NLGN1: variants seen among roughly 807,000 people sequenced by gnomAD.
NLGN1 encodes the protein neuroligin 1, also known as neuroligin-1.
A neutral mutation model predicts 65.5 loss-of-function variants in NLGN1; 12 were observed. The ratio of observed to expected loss-of-function variants is 0.18; its 90% CI spans 0.12 to 0.30. The LOEUF is 0.30. Among genes scored for constraint, NLGN1 ranks in the 10% least tolerant of loss-of-function variants. The probability of loss-of-function intolerance (pLI) is 1.00; values close to 1 mark genes in which losing one functional copy is unlikely to be tolerated. For synonymous variants in NLGN1, 350 were observed against 359.5 expected (o/e 0.97, Z 0.30); for missense variants, 750 against 1,007.1 (o/e 0.74, Z 3.46).
At chr3:173,553,364 CTT>C (rs1186246694) in intron 2 of NLGN1, among the ~76,000 whole-genome samples, 1 of 152,174 alleles carries the variant, frequency 6.6e-6, no homozygotes, top group Non-Finnish European at 1.5e-5. Flanking sequence ...GGCAATTACT[CTT>C]TATAGACCCA....
At chr3:173,754,043 T>C (rs1488532329) in intron 3 of NLGN1, among the ~76,000 whole-genome samples, 1 of 147,320 alleles carries the variant, frequency 6.8e-6, no homozygotes, top group Non-Finnish European at 1.5e-5. Context: ...TTTTTGTTTT[T>C]TTTTTTGTTG....
intron 4 of NLGN1, among the ~76,000 whole-genome samples, chr3:173,974,641 C>T (rs1239140647): frequency 6.6e-6 from 1 of 152,036 alleles, no homozygotes; most frequent in East Asian, 1.9e-4. Context: ...GAAGTGATTA[C>T]TTTTGGGGGG....
chr3:173,939,154 G>A (rs757623594), intron 4 of NLGN1, among the ~76,000 whole-genome samples: 22 of 152,178 alleles, frequency 1.4e-4, no homozygotes, highest in Admixed American at 6.5e-5. Context: ...CGTAGTTTTC[G>A]CATGCTTCCA....
intron 2 of NLGN1, among the ~76,000 whole-genome samples, chr3:173,517,538 C>G (rs1020969022): frequency 6.6e-6 from 1 of 151,972 alleles, no homozygotes; most frequent in Non-Finnish European, 1.5e-5. Flanking sequence ...CACTATATTT[C>G]ACAATATAAG....
intron 4 of NLGN1, among the ~76,000 whole-genome samples, chr3:173,854,939 A>G (rs1386163792): frequency 6.6e-6 from 1 of 152,150 alleles, no homozygotes; most frequent in African/African-American, 2.4e-5. Context: ...AAATTAGAAC[A>G]AAAACTAGTA....
At chr3:173,996,083 A>G (rs1722222975) in intron 4 of NLGN1, among the ~76,000 whole-genome samples, 2 of 152,174 alleles carry the variant, frequency 1.3e-5, no homozygotes, top group South Asian at 4.1e-4. Flanking sequence ...TATCAGTCTA[A>G]GCATTAATGT....
chr3:173,459,376 A>G (rs1331451577), intron 2 of NLGN1, among the ~76,000 whole-genome samples: 1 of 152,144 alleles, frequency 6.6e-6, no homozygotes, highest in Non-Finnish European at 1.5e-5. Flanking sequence ...GTGCATGCAC[A>G]TACACATGTG....
At chr3:173,694,342 G>A (rs1031511406) in intron 3 of NLGN1, among the ~76,000 whole-genome samples, 1 of 152,114 alleles carries the variant, frequency 6.6e-6, no homozygotes, top group African/African-American at 2.4e-5. Flanking sequence ...ACTGAAAATT[G>A]TTTGGACACT....
At chr3:173,457,516 G>T (rs1722702601) in intron 2 of NLGN1, among the ~76,000 whole-genome samples, 1 of 152,050 alleles carries the variant, frequency 6.6e-6, no homozygotes, top group Non-Finnish European at 1.5e-5. Context: ...CAAAGAATTT[G>T]AATTTTATTT....
the NLGN1 span, among the ~76,000 whole-genome samples, chr3:174,292,161 G>A: frequency 6.6e-6 from 1 of 151,160 alleles, no homozygotes; most frequent in Non-Finnish European, 1.5e-5. Context: ...TTATTGTTTC[G>A]ATTTTAAAGT....
chr3:173,594,495 C>T (rs1749107866), intron 2 of NLGN1, among the ~76,000 whole-genome samples: 1 of 152,188 alleles, frequency 6.6e-6, no homozygotes, highest in Non-Finnish European at 1.5e-5. Flanking sequence ...AGGGTCCAAC[C>T]TCCCTCCCAG....
chr3:173,767,114 G>A (rs1003275007), intron 3 of NLGN1, among the ~76,000 whole-genome samples: 7 of 152,006 alleles, frequency 4.6e-5, no homozygotes, highest in Admixed American at 3.3e-4. Context: ...ATTATAATGC[G>A]GATATAAATT....
At chr3:173,412,380 A>G (rs1712766370) in intron 1 of NLGN1, among the ~76,000 whole-genome samples, 2 of 151,998 alleles carry the variant, frequency 1.3e-5, no homozygotes, top group Admixed American at 1.3e-4. Context: ...ATTTTGCTGT[A>G]GAGCATTAGA....
At chr3:173,646,310 A>G (rs1303287944) in intron 3 of NLGN1, among the ~76,000 whole-genome samples, 1 of 152,216 alleles carries the variant, frequency 6.6e-6, no homozygotes, top group African/African-American at 2.4e-5. Flanking sequence ...AGTAGAAAGT[A>G]GGACTAATCG....
chr3:173,833,046 C>T (rs1234826537), intron 4 of NLGN1, among the ~76,000 whole-genome samples: 3 of 43,078 alleles, frequency 7.0e-5, no homozygotes, highest in African/African-American at 3.0e-4. Flanking sequence ...CATATTATTA[C>T]AATACAATAA....
chr3:174,210,297 C>A (rs537226131), intron 4 of NLGN1, among the ~76,000 whole-genome samples: 12 of 152,238 alleles, frequency 7.9e-5, no homozygotes, highest in African/African-American at 2.9e-4. Flanking sequence ...TTTGTGTCTC[C>A]CCATTGTGAA....
At chr3:173,596,636 T>C (rs1749537257) in intron 2 of NLGN1, among the ~76,000 whole-genome samples, 1 of 96,528 alleles carries the variant, frequency 1.0e-5, no homozygotes, top group South Asian at 4.5e-4. Context: ...ATCCAGTTAT[T>C]ATTACATGAT....
In NLGN1 at chr3:174,167,913, A is replaced by T. The variant is rs144718251; in HGVS notation, c.647-107402A>T. On this transcript the variant is annotated intron_variant, in intron 4 of 6. Transcript: ENST00000457714. Reference sequence around the variant, plus strand: ...TTCCTCAGTTTAAAAATTTTTTTTTAAATTTTTTTGTCAGATTGGCTTAGT... The same window carrying T: ...TTCCTCAGTTTAAAAATTTTTTTTTTAATTTTTTTGTCAGATTGGCTTAGT... Among the ~76,000 whole-genome samples, 672 of 152,004 alleles carry T rather than the reference A, an allele frequency of 4.4e-3. 1 individual carries two copies. Among genetic ancestry groups the T allele is most frequent in the African/African-American group, 0.011 (463 of 41,534 alleles).
At chr3:173,904,548 A>G (rs1186283293) in intron 4 of NLGN1, among the ~76,000 whole-genome samples, 6 of 152,092 alleles carry the variant, frequency 3.9e-5, no homozygotes, top group African/African-American at 1.4e-4. Context: ...CATAACCACA[A>G]ATATGTGATA....
Sources: allele counts gnomAD v4.1 joint callset (sites outside exome capture counted in the v4.1 genomes callset), GRCh38; gene constraint gnomAD v4.1.1; transcripts MANE v1.5; gene names NCBI Gene and HGNC (gene_info 2026-07-23, HGNC 2026-07-21).